Variants in ANTXR1 observed in about 807,000 individuals in gnomAD.
ANTXR1 encodes ANTXR cell adhesion molecule 1, also known as anthrax toxin receptor 1.
A neutral mutation model predicts 78.1 loss-of-function variants in ANTXR1; 19 were observed. The observed-to-expected ratio is 0.24, with a 90% CI of 0.17 to 0.36. ANTXR1 has a LOEUF of 0.36. Among genes scored for constraint, ANTXR1 ranks in the 10% least tolerant of loss-of-function variants. The probability of loss-of-function intolerance (pLI) is 1.00; values close to 1 mark genes in which losing one functional copy is unlikely to be tolerated. For synonymous variants in ANTXR1, 273 were observed against 260.5 expected, an observed-to-expected ratio of 1.05 and a Z score of -0.46; for missense variants, 518 against 718.6, an observed-to-expected ratio of 0.72 and a Z score of 3.19.
At chr2:69,027,282 G>A (rs1465572110) in intron 1 of ANTXR1, among the ~76,000 whole-genome samples, 4 of 152,184 alleles carry the variant, frequency 2.6e-5, no homozygotes, top group Admixed American at 6.5e-5. Flanking sequence ...CCTCCCGCCA[G>A]ATCGCGCGCC....
chr2:69,173,603 A>G (rs1674045144), intron 14 of ANTXR1, among the ~76,000 whole-genome samples: 1 of 152,114 alleles, frequency 6.6e-6, no homozygotes, highest in South Asian at 2.1e-4. Flanking sequence ...CAGAAACTAA[A>G]CTTCGGTCTC....
chr2:69,190,165 G>T (rs990623236), intron 16 of ANTXR1, among the ~76,000 whole-genome samples: 1 of 152,178 alleles, frequency 6.6e-6, no homozygotes, highest in Admixed American at 6.5e-5. Context: ...GAAGCTCGTG[G>T]CACAGAGACT....
At position 69,152,566 on chromosome 2, in the gene ANTXR1, T is replaced by G. The variant is rs555166363; in HGVS notation, c.1047+302T>G. Among the ~76,000 whole-genome samples, 24 of 152,218 alleles carry G rather than the reference T, an allele frequency of 1.6e-4. No homozygotes were observed. The South Asian group carries it at 5.0e-3, about 32-fold the overall frequency. ...CACAGGACAACACAAATGATGAGTG[T>G]TATTCGACATGTAATGAACATATAT... On this transcript the variant is annotated intron_variant, in intron 13 of 17. Coordinates refer to ENST00000303714, the MANE Select transcript of ANTXR1 (RefSeq NM_032208.3).
chr2:69,241,197 A>G (rs1675886346), intron 17 of ANTXR1, among the ~76,000 whole-genome samples: 1 of 152,344 alleles, frequency 6.6e-6, no homozygotes, highest in South Asian at 2.1e-4. Flanking sequence ...ATGAAGCGAG[A>G]GTTCCAATCG....
intron 17 of ANTXR1, among the ~76,000 whole-genome samples, chr2:69,209,026 C>T (rs1192506426): frequency 6.6e-6 from 1 of 151,952 alleles, no homozygotes; most frequent in Non-Finnish European, 1.5e-5. Context: ...CCTCAGCCTC[C>T]CAAGTAGCTG....
intron 17 of ANTXR1, among the ~76,000 whole-genome samples, chr2:69,196,414 A>G (rs544862865): frequency 1.8e-4 from 28 of 152,394 alleles, no homozygotes; most frequent in African/African-American, 5.0e-4. Context: ...CCGTGGCAAC[A>G]GCCACACGAT....
At chr2:69,030,590 T>C (rs928963362) in intron 1 of ANTXR1, among the ~76,000 whole-genome samples, 1 of 152,196 alleles carries the variant, frequency 6.6e-6, no homozygotes, top group African/African-American at 2.4e-5. Context: ...CTGCTGAAGA[T>C]AAAAACTGTA....
chr2:69,171,109 C>T (rs1463252242), intron 14 of ANTXR1, among the ~76,000 whole-genome samples: 1 of 152,222 alleles, frequency 6.6e-6, no homozygotes, highest in Non-Finnish European at 1.5e-5. Context: ...AGTTCTTGTC[C>T]TCAATCCCTA....
At chr2:69,150,441 G>T (rs1051205072) in intron 12 of ANTXR1, among the ~76,000 whole-genome samples, 7 of 152,152 alleles carry the variant, frequency 4.6e-5, no homozygotes, top group Non-Finnish European at 8.8e-5. Flanking sequence ...CCTGGGCCCA[G>T]TGAGCTCTAA....
intron 12 of ANTXR1, among the ~76,000 whole-genome samples, chr2:69,129,244 C>T (rs919676493): frequency 2.6e-5 from 4 of 152,126 alleles, no homozygotes; most frequent in Non-Finnish European, 5.9e-5. Context: ...AGAGATTTGT[C>T]CTTTTGAACA....
intron 1 of ANTXR1, among the ~76,000 whole-genome samples, chr2:69,027,814 CAA>C (rs551034885): frequency 1.2e-3 from 122 of 100,426 alleles, no homozygotes; most frequent in African/African-American, 2.8e-3. Flanking sequence ...TTTTCAGTAG[CAA>C]AAAAAAAAAA....
At chr2:69,119,479 G>A (rs1043804535) in intron 10 of ANTXR1, among the ~76,000 whole-genome samples, 1 of 152,244 alleles carries the variant, frequency 6.6e-6, no homozygotes, top group Non-Finnish European at 1.5e-5. Flanking sequence ...AGTCAGCCAC[G>A]CCTGTCCCCA....
chr2:69,128,277 G>A (rs1215146972), intron 12 of ANTXR1, among the ~76,000 whole-genome samples: 3 of 151,786 alleles, frequency 2.0e-5, no homozygotes, highest in African/African-American at 4.8e-5. Context: ...TTTCCCAATC[G>A]ATAAAACTAA....
At chr2:69,115,447 A>G (rs777935538) in intron 10 of ANTXR1, among the ~76,000 whole-genome samples, 9 of 152,250 alleles carry the variant, frequency 5.9e-5, no homozygotes, top group Non-Finnish European at 1.5e-5. Context: ...AGTGCTAAGC[A>G]TTAAATGATA....
chr2:69,142,920 A>G (rs1194089987), intron 12 of ANTXR1, among the ~76,000 whole-genome samples: 1 of 152,142 alleles, frequency 6.6e-6, no homozygotes, highest in Non-Finnish European at 1.5e-5. Flanking sequence ...GATTCCAGGG[A>G]TTTCATGGAC....
At chr2:69,045,347 A>T (rs1338475143) in intron 3 of ANTXR1, among the ~76,000 whole-genome samples, 1 of 152,218 alleles carries the variant, frequency 6.6e-6, no homozygotes, top group Non-Finnish European at 1.5e-5. Flanking sequence ...GATCTAGCTT[A>T]ACAAAAGTAT....
intron 17 of ANTXR1, among the ~76,000 whole-genome samples, chr2:69,213,220 G>A (rs1431794752): frequency 8.5e-5 from 13 of 152,108 alleles, no homozygotes; most frequent in Non-Finnish European, 5.9e-5. Flanking sequence ...CACAGAGGAG[G>A]GGCCTAAAAG....
chr2:69,137,426 T>C (rs749540462), intron 12 of ANTXR1, among the ~76,000 whole-genome samples: 3 of 152,168 alleles, frequency 2.0e-5, no homozygotes, highest in Non-Finnish European at 2.9e-5. Context: ...ATGACCAATG[T>C]GTCCATTTAT....
intron 16 of ANTXR1, among the ~76,000 whole-genome samples, chr2:69,185,114 C>G (rs1674386040): frequency 6.6e-6 from 1 of 152,160 alleles, no homozygotes; most frequent in African/African-American, 2.4e-5. Context: ...CAAAGGTGGT[C>G]CCTGGAACAG....
Sources: allele counts gnomAD v4.1 joint callset (sites outside exome capture counted in the v4.1 genomes callset), GRCh38; gene constraint gnomAD v4.1.1; transcripts MANE v1.5; gene names NCBI Gene and HGNC (gene_info 2026-07-23, HGNC 2026-07-21).